The following ASTN1 variants were observed in gnomAD, a reference collection of about 807,000 sequenced individuals.
The protein encoded by ASTN1 is astrotactin-1.
In ASTN1, 41 loss-of-function variants were observed where a neutral mutation model predicts 140.7. That is an observed-to-expected ratio of 0.29 (90% CI 0.23 to 0.38). ASTN1 has a LOEUF of 0.38. ASTN1 is among the 10% of genes least tolerant of loss of function. The pLI is 1.00. For missense variants in ASTN1, 1,479 were observed against 1,678.8 expected, an observed-to-expected ratio of 0.88 and a Z score of 2.08; for synonymous variants, 640 against 652.2, an observed-to-expected ratio of 0.98 and a Z score of 0.29.
chr1:176,942,820 G>GCATATATA (rs1553231483), intron 14 of ASTN1, among the ~76,000 whole-genome samples: 1 of 25,288 alleles, frequency 4.0e-5, no homozygotes, highest in Non-Finnish European at 8.0e-5. Flanking sequence ...TTGTGTGTGT[G>GCATATATA]TATATATATA....
chr1:177,100,135 C>T (rs1298865531), intron 1 of ASTN1, among the ~76,000 whole-genome samples: 1 of 152,074 alleles, frequency 6.6e-6, no homozygotes, highest in Admixed American at 6.6e-5. Flanking sequence ...CTACTATAAA[C>T]CCCCTAGTGC....
chr1:177,067,369 G>A (rs769053939), intron 1 of ASTN1, among the ~76,000 whole-genome samples: 12 of 152,154 alleles, frequency 7.9e-5, no homozygotes, highest in Non-Finnish European at 1.6e-4. Context: ...GACTTTAGTA[G>A]TGATAAACCT....
chr1:177,049,256 T>C (rs1296214039), intron 2 of ASTN1, among the ~76,000 whole-genome samples: 1 of 152,156 alleles, frequency 6.6e-6, no homozygotes, highest in Non-Finnish European at 1.5e-5. Flanking sequence ...GCTCCTGGTA[T>C]GGGTGTGCCA....
intron 9 of ASTN1, among the ~76,000 whole-genome samples, chr1:176,961,043 G>A (rs765892398): frequency 5.3e-5 from 8 of 152,168 alleles, no homozygotes; most frequent in Non-Finnish European, 1.0e-4. Flanking sequence ...GCAGAGGACA[G>A]TTCTTGTCAT....
intron 1 of ASTN1, among the ~76,000 whole-genome samples, chr1:177,143,601 ATAACT>A (rs367835346): frequency 8.5e-5 from 13 of 152,208 alleles, no homozygotes; most frequent in African/African-American, 2.7e-4. Context: ...TAATATCTTC[ATAACT>A]TAATTTTGCC....
At chr1:177,105,766 A>T (rs773060186) in intron 1 of ASTN1, among the ~76,000 whole-genome samples, 3 of 152,152 alleles carry the variant, frequency 2.0e-5, no homozygotes, top group Non-Finnish European at 2.9e-5. Context: ...CCACTTATGA[A>T]CACCTTTATT....
rs373671549 is a variant in ASTN1, at chr1:176,889,649, G to A, written c.2941-1445C>T. Among the ~76,000 whole-genome samples, 6 of 152,270 alleles carry A rather than the reference G, an allele frequency of 3.9e-5. No homozygotes were observed. In the East Asian group the frequency reaches 1.2e-3, roughly 29 times the overall value. On this transcript the variant is annotated intron_variant, in intron 17 of 22. Coordinates refer to ENST00000361833, the MANE Select transcript of ASTN1 (RefSeq NM_004319.3). ...GTCCATCCTGCCCCCTCCCCAGATC[G>A]GAAGCCTCTAGGAAACAGAAACCAA...
intron 14 of ASTN1, among the ~76,000 whole-genome samples, chr1:176,943,021 A>G (rs1198135516): frequency 1.3e-5 from 2 of 151,314 alleles, no homozygotes. Context: ...GACCTGTCTC[A>G]GACTTTCTGG....
At chr1:177,136,284 T>G (rs1682191998) in intron 1 of ASTN1, among the ~76,000 whole-genome samples, 2 of 152,174 alleles carry the variant, frequency 1.3e-5, no homozygotes, top group African/African-American at 2.4e-5. Flanking sequence ...CCCAATAGAA[T>G]AGTCTCTACA....
At chr1:176,984,829 T>A (rs1449813188) in intron 8 of ASTN1, among the ~76,000 whole-genome samples, 1 of 152,196 alleles carries the variant, frequency 6.6e-6, no homozygotes, top group Non-Finnish European at 1.5e-5. Flanking sequence ...CATCCCCTGG[T>A]GCTTTACTCA....
At chr1:177,083,106 G>C (rs1679259564) in intron 1 of ASTN1, among the ~76,000 whole-genome samples, 1 of 151,974 alleles carries the variant, frequency 6.6e-6, no homozygotes, top group Non-Finnish European at 1.5e-5. Flanking sequence ...TATTTTCATG[G>C]CTGCATTACT....
chr1:176,954,118 C>T (rs1330751227), intron 11 of ASTN1, among the ~76,000 whole-genome samples: 2 of 152,194 alleles, frequency 1.3e-5, no homozygotes, highest in Admixed American at 6.5e-5. Context: ...CATGGCTGCT[C>T]CCTCCAATGA....
At chr1:177,135,517 T>C (rs550137854) in intron 1 of ASTN1, among the ~76,000 whole-genome samples, 4 of 152,260 alleles carry the variant, frequency 2.6e-5, no homozygotes, top group Middle Eastern at 6.8e-3. Context: ...TCACAGGGAC[T>C]ACAGCCCCCT....
intron 8 of ASTN1, among the ~76,000 whole-genome samples, chr1:176,982,305 C>G (rs1252025946): frequency 6.6e-6 from 1 of 152,178 alleles, no homozygotes; most frequent in Non-Finnish European, 1.5e-5. Flanking sequence ...GTAATGAGGG[C>G]TATGCAAACC....
intron 1 of ASTN1, among the ~76,000 whole-genome samples, chr1:177,126,946 A>G (rs913921245): frequency 1.3e-5 from 2 of 152,128 alleles, no homozygotes; most frequent in Admixed American, 1.3e-4. Context: ...GAAAAATACA[A>G]TGTTACTGAG....
At chr1:177,087,121 A>T (rs1679510268) in intron 1 of ASTN1, among the ~76,000 whole-genome samples, 2 of 152,126 alleles carry the variant, frequency 1.3e-5, no homozygotes, top group Non-Finnish European at 2.9e-5. Context: ...GAGTCCTAAC[A>T]TGCCCCTTCC....
chr1:176,883,683 G>A (rs1030244673), intron 19 of ASTN1, among the ~76,000 whole-genome samples: 27 of 152,194 alleles, frequency 1.8e-4, no homozygotes, highest in African/African-American at 6.5e-4. Flanking sequence ...ACCAGTAGCT[G>A]TTTATTTTGA....
chr1:177,032,601 G>T lies in ASTN1; in HGVS notation c.720C>A (p.Asp240Glu). The change falls in exon 3 of 23, where the codon GAC becomes GAA. Residue 240 changes from aspartate (D) to glutamate (E), a missense_variant. Transcript: ENST00000361833. ...GATCAGTGATGTCATACTCATAGCC[G>T]TCCAGGATAGGTGTCTCCCGGATGC... The part of the protein sequence containing the change: ...TLSIRETPIL[D>E]GYEYDITDLR... 1 of 1,614,156 alleles carries T rather than the reference G, an allele frequency of 6.2e-7. No homozygotes were observed. Among genetic ancestry groups the T allele is most frequent in the South Asian group, 1.1e-5 (1 of 91,084 alleles).
chr1:177,020,582 C>T (rs1675774454), intron 7 of ASTN1, among the ~76,000 whole-genome samples: 2 of 152,200 alleles, frequency 1.3e-5, no homozygotes, highest in African/African-American at 4.8e-5. Flanking sequence ...CCAAATCTCC[C>T]TGTTTTAAAG....
Sources: gnomAD v4.1 joint callset for allele counts (sites outside exome capture counted in the v4.1 genomes callset) on GRCh38, gnomAD v4.1.1 for gene constraint, MANE v1.5 for transcripts, NCBI Gene and HGNC (gene_info 2026-07-23, HGNC 2026-07-21) for gene names.